The following CRISPLD1 variants were observed in gnomAD, a reference collection of about 807,000 sequenced individuals.
The protein encoded by CRISPLD1 is cysteine-rich secretory protein LCCL domain-containing 1.
In CRISPLD1, 60 loss-of-function variants were observed where a neutral mutation model predicts 77.5. That is an observed-to-expected ratio of 0.77 (90% CI 0.63 to 0.96). The LOEUF (loss-of-function observed/expected upper bound fraction) is 0.96. Ranked by LOEUF, CRISPLD1 falls within the 40% of genes least tolerant of loss-of-function variation. The probability of loss-of-function intolerance (pLI) is 0.00; values close to 1 mark genes in which losing one functional copy is unlikely to be tolerated. For synonymous variants in CRISPLD1, 195 were observed against 200.1 expected (o/e 0.97, Z 0.22); for missense variants, 623 against 615.8 (o/e 1.01, Z -0.12).
intron 2 of CRISPLD1, among the ~76,000 whole-genome samples, chr8:75,002,522 T>G (rs1474547617): frequency 6.6e-6 from 1 of 150,668 alleles, no homozygotes; most frequent in Non-Finnish European, 1.5e-5. Context: ...ATGAAGGGCC[T>G]ATATGCAGAG....
rs1418972422 is a variant in CRISPLD1 at position 75,017,298 on chromosome 8, TTA to T, written c.997-20_997-19del. ...GAACTCTAATATTTTTAACATCTTT[TTA>T]TCTCCTCCTTTTTTCCAAGCAATCC... On this transcript the variant is annotated intron_variant, in intron 9 of 14. Transcript: ENST00000262207. The T allele has an allele frequency of 3.7e-6, 6 of 1,605,816 alleles. No individual in the cohort carries two copies. Among genetic ancestry groups the T allele is most frequent in the Admixed American group, 3.5e-5 (2 of 57,862 alleles).
intron 14 of CRISPLD1, 69 bp downstream of exon 14, chr8:75,029,586 GT>G: frequency 2.0e-6 from 3 of 1,480,818 alleles, no homozygotes; most frequent in Non-Finnish European, 2.8e-6. Context: ...TTGCTTTACA[GT>G]TGACCCACTT....
intron 2 of CRISPLD1, chr8:75,000,040 A>C (rs2128782357): frequency 1.7e-6 from 1 of 601,440 alleles, no homozygotes; most frequent in South Asian, 7.4e-5. Flanking sequence ...GAAGGCAGCA[A>C]CTAGATACAA....
intron 1 of CRISPLD1, among the ~76,000 whole-genome samples, chr8:74,985,536 G>A (rs1435686582): frequency 6.6e-6 from 1 of 152,138 alleles, no homozygotes; most frequent in African/African-American, 2.4e-5. Flanking sequence ...AGAGAAACAT[G>A]AACCTCTAGA....
At chr8:74,989,378 A>G (rs1175414078) in intron 2 of CRISPLD1, among the ~76,000 whole-genome samples, 1 of 152,162 alleles carries the variant, frequency 6.6e-6, no homozygotes, top group Non-Finnish European at 1.5e-5. Context: ...TAGATTTTGG[A>G]GGAAAAAATA....
intron 2 of CRISPLD1, 34 bp from the exon 3 acceptor site, chr8:75,012,399 C>T (rs1285557001): frequency 1.6e-6 from 2 of 1,248,732 alleles, no homozygotes; most frequent in Non-Finnish European, 2.4e-6. Flanking sequence ...CCAAATGCTA[C>T]ATGTGCACAT....
intron 2 of CRISPLD1, 24 bp downstream of exon 2, chr8:74,986,269 T>C (rs1430658891): frequency 2.5e-6 from 4 of 1,598,918 alleles, no homozygotes; most frequent in South Asian, 1.1e-5. Context: ...TCAAGTGGTA[T>C]GTACAAAAGA....
At chr8:75,010,644 C>A (rs538343907) in intron 2 of CRISPLD1, among the ~76,000 whole-genome samples, 2 of 152,118 alleles carry the variant, frequency 1.3e-5, no homozygotes, top group African/African-American at 4.8e-5. Flanking sequence ...ATTCTCTACT[C>A]CCAAAAATAT....
rs1181897184 is a variant in CRISPLD1 at position 75,016,959 on chromosome 8, T to C, written c.929+18T>C. 6.6e-7 allele frequency: 1 copy of C among 1,519,404 alleles called. No individual in the cohort carries two copies. The highest frequency in any genetic ancestry group is 8.9e-7 in the Non-Finnish European group (1 of 1,122,158). The allele number at this position is 1,519,404 out of a possible 1,614,324, so 94.1% of individuals were successfully genotyped here. ...TGCAATAGGTAATATTTGTTATTATTTTGAAAATTAATTGAATATAATAAA... is the reference window on the plus strand; with the variant it reads ...TGCAATAGGTAATATTTGTTATTATCTTGAAAATTAATTGAATATAATAAA... On this transcript the variant is annotated intron_variant, in intron 8 of 14. Transcript: ENST00000262207.
At chr8:74,992,566 C>T (rs116292522) in intron 2 of CRISPLD1, among the ~76,000 whole-genome samples, 1,614 of 152,272 alleles carry the variant, frequency 0.011, 25 homozygotes, top group African/African-American at 0.036. Flanking sequence ...CTAAAAAGGA[C>T]ACATGGGTCA....
At chr8:74,986,454 A>C (rs1812500695) in intron 2 of CRISPLD1, among the ~76,000 whole-genome samples, 1 of 152,206 alleles carries the variant, frequency 6.6e-6, no homozygotes, top group Non-Finnish European at 1.5e-5. Context: ...ATGCCTTTAG[A>C]TGCAATGTTC....
chr8:74,996,037 T>TATAG (rs1812641655), intron 2 of CRISPLD1, among the ~76,000 whole-genome samples: 1 of 73,350 alleles, frequency 1.4e-5, no homozygotes, highest in Non-Finnish European at 2.3e-5. Context: ...CATTGCTTTA[T>TATAG]ATATATATAT....
intron 10 of CRISPLD1, 109 bp downstream of exon 10, chr8:75,017,559 G>A (rs1187891861): frequency 1.0e-6 from 1 of 1,003,350 alleles, no homozygotes; most frequent in Non-Finnish European, 1.4e-6. Flanking sequence ...AAAGAATTTG[G>A]TTATTTTCAA....
At chr8:75,021,526 T>A (rs900931332) in intron 12 of CRISPLD1, among the ~76,000 whole-genome samples, 2 of 152,166 alleles carry the variant, frequency 1.3e-5, no homozygotes, top group Non-Finnish European at 2.9e-5. Context: ...GACCTCTTAC[T>A]GGGTGAAGTG....
chr8:75,000,178 G>A (rs1435678666), intron 2 of CRISPLD1: 1 of 985,078 alleles, frequency 1.0e-6, no homozygotes. Context: ...TCCAGTAAAG[G>A]TGCTGCTGGT....
intron 13 of CRISPLD1, among the ~76,000 whole-genome samples, chr8:75,028,442 C>T (rs969726615): frequency 6.6e-6 from 1 of 152,124 alleles, no homozygotes; most frequent in Non-Finnish European, 1.5e-5. Flanking sequence ...GACCCATGGG[C>T]ATTTGACATG....
intron 12 of CRISPLD1, 121 bp downstream of exon 12, chr8:75,020,200 A>G (rs1813108895): frequency 1.4e-6 from 1 of 737,810 alleles, no homozygotes; most frequent in South Asian, 1.7e-5. Context: ...GGGAGCAATG[A>G]AACATCATAA....
intron 13 of CRISPLD1, among the ~76,000 whole-genome samples, chr8:75,028,963 A>G (rs1043733517): frequency 1.3e-5 from 2 of 152,196 alleles, no homozygotes; most frequent in Non-Finnish European, 2.9e-5. Flanking sequence ...GTGAACATAC[A>G]TGAGGGATGA....
At chr8:74,987,367 A>G (rs1812512572) in intron 2 of CRISPLD1, among the ~76,000 whole-genome samples, 1 of 152,200 alleles carries the variant, frequency 6.6e-6, no homozygotes, top group Non-Finnish European at 1.5e-5. Context: ...GCTATGTGAC[A>G]TTGGGCGCTT....
Sources: allele counts gnomAD v4.1 joint callset (sites outside exome capture counted in the v4.1 genomes callset), GRCh38; gene constraint gnomAD v4.1.1; transcripts MANE v1.5; gene names NCBI Gene and HGNC (gene_info 2026-07-23, HGNC 2026-07-21).